LOXL3: variants seen among roughly 807,000 people sequenced by gnomAD.
The protein encoded by LOXL3 is lysyl oxidase like 3.
In LOXL3, 60 loss-of-function variants were observed where a neutral mutation model predicts 91.8. The ratio of observed to expected loss-of-function variants is 0.65; its 90% CI spans 0.53 to 0.81. The LOEUF is 0.81. Ranked by LOEUF, LOXL3 falls within the 30% of genes least tolerant of loss-of-function variation. The probability of loss-of-function intolerance (pLI) is 0.00; values close to 1 mark genes in which losing one functional copy is unlikely to be tolerated. For synonymous variants in LOXL3, 355 were observed against 387.6 expected (o/e 0.92, Z 0.99); for missense variants, 874 against 1,000.4 (o/e 0.87, Z 1.70).
At position 74,535,228 on chromosome 2, in the gene LOXL3, T is replaced by C; in HGVS notation, c.1579+64A>G. ...TGCCCCTCCAGATTACAGCCCCCTTTCCCTGCAAACGGGTGGCCCAGACAC... is the reference window on the plus strand; with the variant it reads ...TGCCCCTCCAGATTACAGCCCCCTTCCCCTGCAAACGGGTGGCCCAGACAC... On this transcript the variant is annotated intron_variant, in intron 9 of 13. Transcript: ENST00000264094. This position sits in a 1 kb window ranked among gnomAD's most constrained non-coding sequence, Gnocchi z 4.2. 3.2e-6 allele frequency: 5 copies of C among 1,539,724 alleles called. No individual in the cohort carries two copies. Among genetic ancestry groups the C allele is most frequent in the Non-Finnish European group, 4.4e-6 (5 of 1,140,154 alleles).
rs368213503 is a variant in LOXL3 at position 74,536,803 on chromosome 2, C to A, written c.818G>T (p.Gly273Val). The change falls in exon 5 of 14, where the codon GGG (glycine) becomes GTG (valine). Residue 273 changes from glycine to valine, a missense_variant. Coordinates refer to ENST00000264094, the MANE Select transcript of LOXL3 (RefSeq NM_032603.5). This position sits in a 1 kb window ranked among gnomAD's most constrained non-coding sequence, Gnocchi z 4.5. ...ACAGCTCACCACTGCAGGGCCCCCC[C>A]CAGGGCACCTGGCGGTGTCATTGGC... ...YRANDTARCPGGGPAVVSCVP... is the reference protein window; with the variant it reads ...YRANDTARCPVGGPAVVSCVP... The A allele has an allele frequency of 3.7e-6, 6 of 1,614,128 alleles. No homozygotes were observed. Among genetic ancestry groups the A allele is most frequent in the Non-Finnish European group, 5.1e-6 (6 of 1,180,040 alleles).
chr2:74,554,429 A>C (rs1195544520), upstream of LOXL3: 1 of 397,186 alleles, frequency 2.5e-6, no homozygotes, highest in Non-Finnish European at 4.6e-6. The surrounding 1 kb of genome is among the most constrained non-coding windows in gnomAD (Gnocchi z 4.9). Flanking sequence ...CATGGCTTTC[A>C]CTCTGACGTC....
chr2:74,534,658 G>A lies in LOXL3; in HGVS notation c.1696C>T (p.Arg566Cys), dbSNP rs1223533478. The A allele has an allele frequency of 5.0e-6, 8 of 1,614,086 alleles. No individual in the cohort carries two copies. The highest frequency in any genetic ancestry group is 1.6e-4 in the Middle Eastern group (1 of 6,084). ...AEENCLASSA[R>C]SANWPYGHRR... ...TGACCATAGGGCCAGTTGGCTGAGC[G>A]GGCTGAGCTGGCCAGGCAGTTCTCT... The change falls in exon 10 of 14, where the codon CGC becomes TGC. Residue 566 changes from arginine to cysteine, a missense_variant. Coordinates refer to ENST00000264094, the MANE Select transcript of LOXL3 (RefSeq NM_032603.5).
At position 74,536,686 on chromosome 2, in the gene LOXL3, G is replaced by T. The variant is rs957339838; in HGVS notation, c.912+23C>A. The T allele has an allele frequency of 6.2e-7, 1 of 1,610,586 alleles. No homozygotes were observed. The highest frequency in any genetic ancestry group is 8.5e-7 in the Non-Finnish European group (1 of 1,177,032). On this transcript the variant is annotated intron_variant, in intron 5 of 13. Coordinates refer to ENST00000264094, the MANE Select transcript of LOXL3 (RefSeq NM_032603.5). This position sits in a 1 kb window ranked among gnomAD's most constrained non-coding sequence, Gnocchi z 4.5. ...GGGTTCTCCACCTGGGGTGGGAAAG[G>T]TCATAATCACTGTCTCACACACCTC...
At chr2:74,545,707 T>A (rs1253382258) in intron 4 of LOXL3, among the ~76,000 whole-genome samples, 1 of 152,160 alleles carries the variant, frequency 6.6e-6, no homozygotes, top group Non-Finnish European at 1.5e-5. Context: ...CTCCCCTGGT[T>A]TTCTTCCTAC....
rs1676028468 is a variant in LOXL3, at chr2:74,536,445, G to T, written c.939C>A (p.Ala313=). The T allele has an allele frequency of 6.2e-7, 1 of 1,613,772 alleles. No homozygotes were observed. The highest frequency in any genetic ancestry group is 1.7e-5 in the Admixed American group (1 of 59,992). The change falls in exon 6 of 14, where the codon GCC becomes GCA. Residue 313 remains alanine (A), a synonymous_variant. Coordinates refer to ENST00000264094, the MANE Select transcript of LOXL3 (RefSeq NM_032603.5). This position sits in a 1 kb window ranked among gnomAD's most constrained non-coding sequence, Gnocchi z 4.5. ...CTTCTACCCGGCCCTCTCCAGGGTG[G>T]GCGCCGCCCTTTAGACGGACACGGG... The part of the protein sequence containing the change: ...GEARVRLKGG[A]HPGEGRVEVL...
At chr2:74,555,625 C>T (rs1386343784), upstream of LOXL3, 1 of 1,614,170 alleles carries the variant, frequency 6.2e-7, no homozygotes, top group Non-Finnish European at 8.5e-7. This position sits in a 1 kb window ranked among gnomAD's most constrained non-coding sequence, Gnocchi z 6.1. Context: ...AGCTTTCTGC[C>T]CTGGAGATGC....
At position 74,535,319 on chromosome 2, in the gene LOXL3, A is replaced by T. The variant is rs1675949514; in HGVS notation, c.1552T>A (p.Phe518Ile). Residue 518 changes from phenylalanine (F) to isoleucine (I), a missense_variant, in exon 9 of 14, where the codon TTC becomes ATC. By Grantham distance (21) the Phe-to-Ile change is conservative. Transcript: ENST00000264094. The surrounding 1 kb of genome is among the most constrained non-coding windows in gnomAD (Gnocchi z 4.2). ...HITCKRTGTRFTAGVICSETA... is the reference protein window; with the variant it reads ...HITCKRTGTRITAGVICSETA... The stretch of plus-strand genomic sequence containing the variant: ...TCAGAACAGATGACTCCAGCAGTGA[A>T]GCGGGTCCCTGTCCTCTTGCAGGTG... The T allele has an allele frequency of 3.1e-6, 5 of 1,613,858 alleles. No individual in the cohort carries two copies. Among genetic ancestry groups the T allele is most frequent in the African/African-American group, 2.7e-5 (2 of 74,922 alleles).
chr2:74,550,934 G>GTT (rs1030182702), intron 2 of LOXL3, among the ~76,000 whole-genome samples: 20 of 135,384 alleles, frequency 1.5e-4, no homozygotes, highest in East Asian at 2.1e-4. Flanking sequence ...TCTGAAACCT[G>GTT]TTTTTTTTTT....
At chr2:74,554,648 C>T (rs749641891), upstream of LOXL3, 9 of 1,123,076 alleles carry the variant, frequency 8.0e-6, no homozygotes, top group Admixed American at 2.5e-5. This position sits in a 1 kb window ranked among gnomAD's most constrained non-coding sequence, Gnocchi z 4.9. Context: ...CAGCGGCTGC[C>T]GGCGGGGGCC....
At chr2:74,548,523 G>A (rs1676750792) in intron 4 of LOXL3, among the ~76,000 whole-genome samples, 1 of 152,094 alleles carries the variant, frequency 6.6e-6, no homozygotes, top group Non-Finnish European at 1.5e-5. Context: ...AAACCTATCC[G>A]GACATCAAGA....
upstream of LOXL3, chr2:74,555,250 G>T: frequency 6.2e-7 from 1 of 1,613,974 alleles, no homozygotes; most frequent in African/African-American, 1.3e-5. This position sits in a 1 kb window ranked among gnomAD's most constrained non-coding sequence, Gnocchi z 6.1. Flanking sequence ...CTCTGGGGGT[G>T]GCCGAGGGAG....
In LOXL3 at chr2:74,535,478, T is replaced by C. The variant is rs1675960682; in HGVS notation, c.1417-24A>G. The stretch of plus-strand genomic sequence containing the variant: ...TCCTGGGGACATATGCAGATGTTTC[T>C]GTAAGGCCCAGGATCCAGCATCTTG... On this transcript the variant is annotated intron_variant, in intron 8 of 13. Transcript: ENST00000264094. The surrounding 1 kb of genome is among the most constrained non-coding windows in gnomAD (Gnocchi z 4.2). The C allele has an allele frequency of 1.2e-6, 2 of 1,613,418 alleles. No homozygotes were observed. Among genetic ancestry groups the C allele is most frequent in the Non-Finnish European group, 1.7e-6 (2 of 1,180,004 alleles).
At chr2:74,552,973 C>A in intron 1 of LOXL3, 1 of 285,550 alleles carries the variant, frequency 3.5e-6, no homozygotes, top group Admixed American at 4.9e-5. Context: ...CCCAGACAGA[C>A]AGGATGTGAG....
At position 74,536,719 on chromosome 2, in the gene LOXL3, G is replaced by A; in HGVS notation, c.902C>T (p.Pro301Leu). ...CACTGTCTCACACACCTCCCCCTGA[G>A]GCTTCGACTGTTGTTGCTTCTTCTG... is the stretch of plus-strand genomic sequence containing the variant. Reference protein sequence around the residue: ...SGQKKQQQSKPQGEARVRLKG... With the variant: ...SGQKKQQQSKLQGEARVRLKG... Residue 301 changes from proline to leucine, a missense_variant, in exon 5 of 14, where the codon CCT becomes CTT. By Grantham distance (98) the Pro-to-Leu change is moderately conservative. Transcript: ENST00000264094. This position sits in a 1 kb window ranked among gnomAD's most constrained non-coding sequence, Gnocchi z 4.5. 6.2e-7 allele frequency: 1 copy of A among 1,614,206 alleles called. No individual in the cohort carries two copies. The highest frequency in any genetic ancestry group is 8.5e-7 in the Non-Finnish European group (1 of 1,180,008).
At chr2:74,546,593 A>T (rs1676605437) in intron 4 of LOXL3, among the ~76,000 whole-genome samples, 1 of 152,164 alleles carries the variant, frequency 6.6e-6, no homozygotes, top group Admixed American at 6.5e-5. Flanking sequence ...TCTTCCTAGA[A>T]ATGTTTATCT....
chr2:74,552,667 G>A, intron 1 of LOXL3, 21 bp from the exon 2 acceptor site: 1 of 1,492,196 alleles, frequency 6.7e-7, no homozygotes, highest in Non-Finnish European at 9.0e-7. Context: ...CAGAGACAAA[G>A]TGTGCGTGAG....
chr2:74,538,178 A>T (rs1315724760), intron 4 of LOXL3, among the ~76,000 whole-genome samples: 1 of 152,240 alleles, frequency 6.6e-6, no homozygotes, highest in Non-Finnish European at 1.5e-5. Context: ...CAGGAAAAAT[A>T]CATCTATCTT....
In LOXL3 at chr2:74,532,326, T is replaced by C. The variant is rs1288856969; in HGVS notation, c.*1280A>G. 2.1e-6 allele frequency: 1 copy of C among 485,768 alleles called. No homozygotes were observed. The highest frequency in any genetic ancestry group is 3.7e-6 in the Non-Finnish European group (1 of 266,746). The allele number at this position is 485,768 out of a possible 1,614,324, so 30.1% of individuals were successfully genotyped here. On this transcript the variant is annotated 3_prime_UTR_variant, in exon 14 of 14. Coordinates refer to ENST00000264094, the MANE Select transcript of LOXL3 (RefSeq NM_032603.5). Reference sequence around the variant, plus strand: ...ATGGTTAATATCAGATCCATCCTTTTAGGCTCAACTTAAGTTCTTTCCCCT... The same window carrying C: ...ATGGTTAATATCAGATCCATCCTTTCAGGCTCAACTTAAGTTCTTTCCCCT...
Sources: gnomAD v4.1 joint callset for allele counts (sites outside exome capture counted in the v4.1 genomes callset) on GRCh38, gnomAD v4.1.1 for gene constraint, Gnocchi (gnomAD v3.1) non-coding constraint, MANE v1.5 for transcripts, NCBI Gene and HGNC (gene_info 2026-07-23, HGNC 2026-07-21) for gene names.